CSGALNACT1: variants seen among roughly 807,000 people sequenced by gnomAD.
CSGALNACT1 encodes beta4GalNAcT-1.
CSGALNACT1 carries 52 observed loss-of-function variants against 51.0 expected under a neutral mutation model. The ratio of observed to expected loss-of-function variants is 1.02; its 90% CI spans 0.82 to 1.29. CSGALNACT1 has a LOEUF of 1.29. CSGALNACT1 is among the 50% of genes most tolerant of loss of function. The probability of loss-of-function intolerance (pLI) is 0.00; values close to 1 mark genes in which losing one functional copy is unlikely to be tolerated. For synonymous variants in CSGALNACT1, 341 were observed against 254.4 expected (o/e 1.34, Z -3.24); for missense variants, 935 against 679.2 (o/e 1.38, Z -4.19).
intron 5 of CSGALNACT1, among the ~76,000 whole-genome samples, chr8:19,451,699 C>T (rs1358995218): frequency 2.0e-5 from 3 of 152,156 alleles, no homozygotes; most frequent in Admixed American, 2.0e-4. Flanking sequence ...GAATTCCAGG[C>T]TCCACATCTC....
chr8:19,467,186 C>T (rs2066902859), intron 4 of CSGALNACT1, among the ~76,000 whole-genome samples: 2 of 134,622 alleles, frequency 1.5e-5, no homozygotes, highest in Admixed American at 1.7e-4. Context: ...GTGGTGCGAT[C>T]TCGGCTCACT....
At chr8:19,667,516 C>A (rs1395596117) in intron 1 of CSGALNACT1, among the ~76,000 whole-genome samples, 2 of 147,942 alleles carry the variant, frequency 1.4e-5, no homozygotes, top group Non-Finnish European at 3.0e-5. Flanking sequence ...CTTCTCACAA[C>A]GGTAAGAGAA....
chr8:19,599,958 C>G (rs1158031805), intron 2 of CSGALNACT1, among the ~76,000 whole-genome samples: 2 of 152,200 alleles, frequency 1.3e-5, no homozygotes, highest in Non-Finnish European at 2.9e-5. Flanking sequence ...TTGTTCCATT[C>G]AAACATTTAG....
intron 1 of CSGALNACT1, among the ~76,000 whole-genome samples, chr8:19,619,159 C>T (rs1036988508): frequency 1.4e-5 from 2 of 147,596 alleles, no homozygotes; most frequent in Non-Finnish European, 1.5e-5. Flanking sequence ...CATTAGACTA[C>T]TCAGACTCAA....
chr8:19,505,487 G>T (rs776482078), exon 4 of CSGALNACT1: 1 of 1,614,144 alleles, frequency 6.2e-7, no homozygotes, highest in African/African-American at 1.3e-5. Context: ...GGTCGGCCTG[G>T]GTTTTCTCTG....
intron 1 of CSGALNACT1, among the ~76,000 whole-genome samples, chr8:19,678,114 A>C (rs115145105): frequency 0.068 from 9,816 of 143,700 alleles, 387 homozygotes; most frequent in African/African-American, 0.14. Context: ...CAAACAAACA[A>C]AAAAAAAAAT....
intron 1 of CSGALNACT1, among the ~76,000 whole-genome samples, chr8:19,712,556 G>T (rs1331128817): frequency 6.6e-6 from 1 of 152,126 alleles, no homozygotes; most frequent in African/African-American, 2.4e-5. Flanking sequence ...GCCTTGCTGT[G>T]CTTCTACCAA....
intron 2 of CSGALNACT1, among the ~76,000 whole-genome samples, chr8:19,599,560 GGAAA>G (rs771716493): frequency 5.7e-5 from 8 of 139,336 alleles, no homozygotes; most frequent in East Asian, 2.1e-4. Context: ...AGAAGGAAAG[GGAAA>G]GAAAGAAAGA....
At chr8:19,446,585 C>G (rs140424605) in intron 5 of CSGALNACT1, among the ~76,000 whole-genome samples, 2 of 152,310 alleles carry the variant, frequency 1.3e-5, no homozygotes, top group East Asian at 3.9e-4. Context: ...GCCATCTTGG[C>G]TCACCAAAGC....
At chr8:19,672,016 C>T (rs2059830245) in intron 1 of CSGALNACT1, among the ~76,000 whole-genome samples, 1 of 152,096 alleles carries the variant, frequency 6.6e-6, no homozygotes, top group Non-Finnish European at 1.5e-5. Flanking sequence ...CTTCCATTTC[C>T]TTAAAAGCAA....
chr8:19,636,221 T>A (rs947189258), intron 1 of CSGALNACT1, among the ~76,000 whole-genome samples: 1 of 152,350 alleles, frequency 6.6e-6, no homozygotes, highest in South Asian at 2.1e-4. Flanking sequence ...CAGTTTCACG[T>A]AACTTTTATT....
At chr8:19,595,459 G>T (rs1479129531) in intron 2 of CSGALNACT1, among the ~76,000 whole-genome samples, 1 of 151,982 alleles carries the variant, frequency 6.6e-6, no homozygotes, top group Non-Finnish European at 1.5e-5. Flanking sequence ...AAACATTTAA[G>T]GGTAAACACT....
intron 4 of CSGALNACT1, among the ~76,000 whole-genome samples, chr8:19,490,847 G>C (rs1163771748): frequency 1.3e-5 from 2 of 152,072 alleles, no homozygotes; most frequent in Non-Finnish European, 2.9e-5. Flanking sequence ...TTCTCTTTCT[G>C]GATTCTCCAG....
At chr8:19,560,029 T>C (rs1489817697) in intron 3 of CSGALNACT1, among the ~76,000 whole-genome samples, 2 of 152,210 alleles carry the variant, frequency 1.3e-5, no homozygotes, top group South Asian at 4.1e-4. Flanking sequence ...GCTACTGGTA[T>C]AGAATAGACA....
chr8:19,535,175 T>C (rs1398760794), intron 3 of CSGALNACT1, among the ~76,000 whole-genome samples: 2 of 152,190 alleles, frequency 1.3e-5, no homozygotes, highest in African/African-American at 4.8e-5. Context: ...TGCCTGCTAC[T>C]GACATATAAA....
intron 3 of CSGALNACT1, chr8:19,585,133 A>G: frequency 6.6e-6 from 1 of 152,238 alleles, no homozygotes; most frequent in East Asian, 1.9e-4. Context: ...AATAGATTAC[A>G]TAGTGCTTGA....
chr8:19,751,211 G>A (rs1729036069), intron 1 of CSGALNACT1, among the ~76,000 whole-genome samples: 1 of 152,146 alleles, frequency 6.6e-6, no homozygotes, highest in Admixed American at 6.5e-5. Context: ...CGTGCACTAA[G>A]GCCCAGCTAC....
chr8:19,707,075 A>G lies in CSGALNACT1; in HGVS notation c.-297+50775T>C, dbSNP rs763890188. On this transcript the variant is annotated intron_variant, in intron 1 of 1. Transcript: ENST00000517494. Reference sequence around the variant, plus strand: ...ACCAGCACCCAGGGATTCATCTAGTAGGAGGTTACTGCCTTTCTGATCTAT... The same window carrying G: ...ACCAGCACCCAGGGATTCATCTAGTGGGAGGTTACTGCCTTTCTGATCTAT... Among the ~76,000 whole-genome samples the G allele has an allele frequency of 2.6e-5, 4 of 152,130 alleles. 1 individual carries two copies. In the South Asian group the frequency reaches 6.2e-4, roughly 24 times the overall value.
intron 9 of CSGALNACT1, among the ~76,000 whole-genome samples, chr8:19,407,388 C>T (rs928160887): frequency 7.9e-5 from 12 of 152,080 alleles, no homozygotes; most frequent in African/African-American, 1.2e-4. Flanking sequence ...GGGGATGGGA[C>T]GCTCCATGCC....
Sources: gnomAD v4.1 joint callset for allele counts (sites outside exome capture counted in the v4.1 genomes callset) on GRCh38, gnomAD v4.1.1 for gene constraint, MANE v1.5 for transcripts, NCBI Gene and HGNC (gene_info 2026-07-23, HGNC 2026-07-21) for gene names.